Variants in ZBTB7C observed in about 807,000 individuals in gnomAD.
The protein encoded by ZBTB7C is zinc finger and BTB domain-containing protein 7C.
ZBTB7C carries 8 observed loss-of-function variants against 25.7 expected under a neutral mutation model. That is an observed-to-expected ratio of 0.31 (90% confidence interval 0.18 to 0.56). The LOEUF (loss-of-function observed/expected upper bound fraction) is 0.56. ZBTB7C is among the 20% of genes least tolerant of loss of function. The pLI is 0.91. For synonymous variants in ZBTB7C, 394 were observed against 369.0 expected, an observed-to-expected ratio of 1.07 and a Z score of -0.78; for missense variants, 824 against 855.2, an observed-to-expected ratio of 0.96 and a Z score of 0.46.
chr18:48,367,471 T>C (rs939765043), intron 1 of ZBTB7C, among the ~76,000 whole-genome samples: 1 of 150,110 alleles, frequency 6.7e-6, no homozygotes, highest in Non-Finnish European at 1.5e-5. Context: ...TTCTGAGTCT[T>C]CTTTTGGTCT....
At chr18:48,170,804 G>A (rs945847224) in intron 3 of ZBTB7C, among the ~76,000 whole-genome samples, 2 of 152,044 alleles carry the variant, frequency 1.3e-5, no homozygotes, top group African/African-American at 4.8e-5. Context: ...CTCTGCACCT[G>A]TCCCCTCTGC....
At chr18:48,374,972 C>G (rs1019565283) in intron 1 of ZBTB7C, among the ~76,000 whole-genome samples, 7 of 152,188 alleles carry the variant, frequency 4.6e-5, no homozygotes, top group Admixed American at 6.5e-5. Context: ...ATTCCTCATT[C>G]CTCATTCCAT....
At position 48,211,324 on chromosome 18, in the gene ZBTB7C, G is replaced by C. The variant is rs76678199; in HGVS notation, c.-78-25329C>G. Among the ~76,000 whole-genome samples the C allele has an allele frequency of 6.0e-3, 911 of 152,140 alleles. 18 individuals are homozygous for C. The highest frequency in any genetic ancestry group is 0.02 in the African/African-American group (832 of 41,472). ...AACACCAAAGGCACAACCCATAAAAGAAACAACTGGTAAGCTGAACCTCAT... is the reference window on the plus strand; with the variant it reads ...AACACCAAAGGCACAACCCATAAAACAAACAACTGGTAAGCTGAACCTCAT... On this transcript the variant is annotated intron_variant, in intron 2 of 4. Coordinates refer to ENST00000590800, the MANE Select transcript of ZBTB7C (RefSeq NM_001318841.2).
In ZBTB7C at chr18:48,052,421, A is replaced by G. The variant is rs113164912; in HGVS notation, c.-16-11298T>C. 1.6e-3 allele frequency among the ~76,000 whole-genome samples: 248 copies of G among 152,340 alleles called. 1 individual carries two copies. The highest frequency in any genetic ancestry group is 5.8e-3 in the African/African-American group (243 of 41,578). ...GGGATATTTTGGCATCTGTTCTAGA[A>G]GGCATTAAGGTGCTCCACAGCTGGC... On this transcript the variant is annotated intron_variant, in intron 3 of 4. Transcript: ENST00000590800.
intron 3 of ZBTB7C, among the ~76,000 whole-genome samples, chr18:48,140,190 C>G (rs1452871952): frequency 6.6e-6 from 1 of 152,242 alleles, no homozygotes; most frequent in African/African-American, 2.4e-5. Flanking sequence ...GCCTAGTCAT[C>G]TGCTGGGGTT....
intron 3 of ZBTB7C, among the ~76,000 whole-genome samples, chr18:48,142,017 C>T (rs546919718): frequency 1.5e-4 from 23 of 152,328 alleles, no homozygotes; most frequent in Non-Finnish European, 2.4e-4. Flanking sequence ...CAGGGAGCCA[C>T]GAACTGAAGC....
At chr18:48,356,133 A>T (rs1254530524) in intron 1 of ZBTB7C, among the ~76,000 whole-genome samples, 1 of 152,150 alleles carries the variant, frequency 6.6e-6, no homozygotes, top group Non-Finnish European at 1.5e-5. Context: ...GAGTTATAGG[A>T]TCCTCAACAT....
At chr18:48,125,032 C>T (rs11662174) in intron 3 of ZBTB7C, among the ~76,000 whole-genome samples, 23,919 of 152,166 alleles carry the variant, frequency 0.16, 1,999 homozygotes, top group South Asian at 0.23. Flanking sequence ...CACTGGGAAG[C>T]AGGGGAGGGG....
At chr18:48,066,691 G>T (rs570300114) in intron 3 of ZBTB7C, among the ~76,000 whole-genome samples, 1 of 152,174 alleles carries the variant, frequency 6.6e-6, no homozygotes, top group African/African-American at 2.4e-5. Flanking sequence ...CAGGCCCTGA[G>T]AAATGCTGGG....
intron 3 of ZBTB7C, chr18:48,137,153 T>A (rs1489836654): frequency 4.3e-5 from 42 of 985,288 alleles, no homozygotes; most frequent in Non-Finnish European, 5.1e-5. Flanking sequence ...CTGGGCGAGT[T>A]AAGCCATTCC....
chr18:48,316,674 G>A (rs1191670719), intron 2 of ZBTB7C, among the ~76,000 whole-genome samples: 1 of 152,214 alleles, frequency 6.6e-6, no homozygotes, highest in African/African-American at 2.4e-5. Context: ...CCCCTTGCCT[G>A]CCATGATTAA....
chr18:48,046,209 C>T (rs190070157), intron 3 of ZBTB7C, among the ~76,000 whole-genome samples: 1 of 152,346 alleles, frequency 6.6e-6, no homozygotes, highest in Admixed American at 6.5e-5. Flanking sequence ...CCAGTGACAT[C>T]ATTTCACAGA....
intron 3 of ZBTB7C, among the ~76,000 whole-genome samples, chr18:48,162,653 T>C (rs750360018): frequency 6.6e-6 from 1 of 152,164 alleles, no homozygotes; most frequent in African/African-American, 2.4e-5. Context: ...TGTCACTTCA[T>C]AGCTGTGTGT....
At chr18:48,248,850 T>G (rs2043769109) in intron 2 of ZBTB7C, among the ~76,000 whole-genome samples, 1 of 152,152 alleles carries the variant, frequency 6.6e-6, no homozygotes, top group Non-Finnish European at 1.5e-5. Flanking sequence ...ATATAAAGCT[T>G]TTCTGTAATA....
intron 1 of ZBTB7C, among the ~76,000 whole-genome samples, chr18:48,406,402 T>C (rs1185368217): frequency 6.6e-6 from 1 of 152,220 alleles, no homozygotes; most frequent in East Asian, 1.9e-4. Flanking sequence ...AGTTGCGTGC[T>C]GAGAATGTTA....
At chr18:48,374,186 T>C (rs2047460674) in intron 1 of ZBTB7C, 1 of 152,332 alleles carries the variant, frequency 6.6e-6, no homozygotes, top group Non-Finnish European at 1.5e-5. Flanking sequence ...CAGGTATTTC[T>C]TTATAGCAAT....
intron 2 of ZBTB7C, among the ~76,000 whole-genome samples, 182 bp downstream of exon 2, chr18:48,337,992 C>G (rs1366281277): frequency 6.6e-6 from 1 of 152,216 alleles, no homozygotes; most frequent in East Asian, 1.9e-4. Context: ...TTGGCTCCAG[C>G]AAGCACATGG....
chr18:48,404,600 C>A (rs887446602), intron 1 of ZBTB7C, among the ~76,000 whole-genome samples: 1 of 152,200 alleles, frequency 6.6e-6, no homozygotes, highest in African/African-American at 2.4e-5. Flanking sequence ...ATGAATGATG[C>A]TCCCAACATC....
chr18:48,400,475 T>G (rs1341261771), intron 1 of ZBTB7C, among the ~76,000 whole-genome samples: 1 of 152,224 alleles, frequency 6.6e-6, no homozygotes, highest in Non-Finnish European at 1.5e-5. Flanking sequence ...AGGACAAAAG[T>G]CCTGTCTCAG....
Sources: allele counts gnomAD v4.1 joint callset (sites outside exome capture counted in the v4.1 genomes callset), GRCh38; gene constraint gnomAD v4.1.1; transcripts MANE v1.5; gene names NCBI Gene and HGNC (gene_info 2026-07-23, HGNC 2026-07-21).